The following SLC35A1 variants were observed in gnomAD, a reference collection of about 807,000 sequenced individuals.
SLC35A1 encodes CMP-sialic acid transporter.
SLC35A1 carries 21 observed loss-of-function variants against 40.3 expected under a neutral mutation model. That is an observed-to-expected ratio of 0.52 (90% CI 0.37 to 0.75). SLC35A1 has a LOEUF of 0.75. Ranked by LOEUF, SLC35A1 falls within the 30% of genes least tolerant of loss-of-function variation. The pLI is 0.00. For synonymous variants in SLC35A1, 146 were observed against 147.3 expected (o/e 0.99, Z 0.06); for missense variants, 297 against 382.1 (o/e 0.78, Z 1.86).
intron 1 of SLC35A1, among the ~76,000 whole-genome samples, chr6:87,473,264 C>T (rs924241855): frequency 1.1e-4 from 17 of 152,176 alleles, no homozygotes; most frequent in Admixed American, 1.0e-3. Flanking sequence ...ACCGCACTGA[C>T]CTCCACTAGC....
At chr6:87,490,569 T>A (rs1416693136) in intron 2 of SLC35A1, among the ~76,000 whole-genome samples, 1 of 151,944 alleles carries the variant, frequency 6.6e-6, no homozygotes, top group Non-Finnish European at 1.5e-5. Flanking sequence ...CCTGACCTCA[T>A]GATCCACCTG....
At position 87,508,121 on chromosome 6, in the gene SLC35A1, T is replaced by C. The variant is rs1052985648; in HGVS notation, c.575-299T>C. ...TGGCATTAAGTAGTACAGAGAGCTT[T>C]TGTGGTCTTACTGCTCTAATAAAGG... On this transcript the variant is annotated intron_variant, in intron 5 of 7. Transcript: ENST00000369552. Among the ~76,000 whole-genome samples, 10 of 152,124 alleles carry C rather than the reference T, an allele frequency of 6.6e-5. 1 individual carries two copies. The highest frequency in any genetic ancestry group is 3.3e-4 in the Admixed American group (5 of 15,270).
intron 7 of SLC35A1, among the ~76,000 whole-genome samples, chr6:87,510,819 C>T (rs979595788): frequency 1.3e-5 from 2 of 150,598 alleles, no homozygotes; most frequent in Non-Finnish European, 2.9e-5. Flanking sequence ...TGCGGTGAGC[C>T]GAGATTGCGC....
At chr6:87,483,469 G>A (rs976771134) in intron 2 of SLC35A1, among the ~76,000 whole-genome samples, 14 of 146,800 alleles carry the variant, frequency 9.5e-5, no homozygotes, top group African/African-American at 3.1e-4. Flanking sequence ...GAGGTTCAAT[G>A]TACCCCTATT....
chr6:87,509,571 T>A (rs532588379), intron 7 of SLC35A1, among the ~76,000 whole-genome samples: 9 of 152,342 alleles, frequency 5.9e-5, no homozygotes, highest in Non-Finnish European at 1.0e-4. Flanking sequence ...TATTGGCTCA[T>A]TATTTAGAAG....
chr6:87,481,351 A>G (rs1769236657), intron 2 of SLC35A1, among the ~76,000 whole-genome samples: 2 of 151,036 alleles, frequency 1.3e-5, no homozygotes, highest in South Asian at 4.2e-4. Context: ...TGGGAGGCGG[A>G]GGTTGTGGTG....
rs1438735328 is a variant in SLC35A1, at chr6:87,501,133, T to A, written c.355-25T>A. 9.6e-6 allele frequency: 15 copies of A among 1,555,506 alleles called. No homozygotes were observed. The South Asian group carries it at 1.6e-4, about 16-fold the overall frequency. ...ATCAGAGACTAACATTAACTGAATT[T>A]ATTAATTCATTCTCTTTTTTTTAGG... On this transcript the variant is annotated intron_variant, in intron 3 of 7. Coordinates refer to ENST00000369552, the MANE Select transcript of SLC35A1 (RefSeq NM_006416.5).
chr6:87,482,435 T>A (rs375069153), intron 2 of SLC35A1, among the ~76,000 whole-genome samples: 1 of 152,250 alleles, frequency 6.6e-6, no homozygotes, highest in African/African-American at 2.4e-5. Context: ...TTGCTATTAA[T>A]AAGACTTTCT....
At position 87,482,092 on chromosome 6, in the gene SLC35A1, C is replaced by T. The variant is rs559981525; in HGVS notation, c.194+4553C>T. Among the ~76,000 whole-genome samples, 7 of 152,218 alleles carry T rather than the reference C, an allele frequency of 4.6e-5. No homozygotes were observed. The South Asian group carries it at 1.4e-3, about 32-fold the overall frequency. On this transcript the variant is annotated intron_variant, in intron 2 of 7. Coordinates refer to ENST00000369552, the MANE Select transcript of SLC35A1 (RefSeq NM_006416.5). ...TATACAACATTTCTTGCATAAGTTC[C>T]CTTTTATAGCATTTTTCATGACTTT...
rs1770151497 is a variant in SLC35A1 at position 87,508,367 on chromosome 6, TTTAAG to T, written c.575-48_575-44del. The T allele has an allele frequency of 2.5e-6, 3 of 1,211,012 alleles. No individual in the cohort carries two copies. The South Asian group carries it at 3.8e-5, about 15-fold the overall frequency. 75.0% of individuals were successfully genotyped at this position (1,211,012 alleles called of 1,614,324 possible). The stretch of plus-strand genomic sequence containing the variant: ...GGGTATTGTTCTAAATGAAAGACAT[TTTAAG>T]TTAATTTATAGTAATCTTTAATATT... On this transcript the variant is annotated intron_variant, in intron 5 of 7. Coordinates refer to ENST00000369552, the MANE Select transcript of SLC35A1 (RefSeq NM_006416.5).
chr6:87,476,933 C>T (rs1054372316), intron 1 of SLC35A1, among the ~76,000 whole-genome samples: 4 of 151,790 alleles, frequency 2.6e-5, no homozygotes, highest in Admixed American at 6.6e-5. Context: ...GCACGAGAAT[C>T]GCTTGAACCT....
chr6:87,483,660 G>T (rs568332580), intron 2 of SLC35A1, among the ~76,000 whole-genome samples: 2 of 151,772 alleles, frequency 1.3e-5, no homozygotes, highest in East Asian at 1.9e-4. Flanking sequence ...GCCGTGGAAG[G>T]CTCAACCCCT....
Position 87,511,446 on chromosome 6 carries a change from C to A in SLC35A1, c.934C>A (p.Leu312Ile), listed in dbSNP as rs1480446356. The change falls in exon 8 of 8, where the codon CTC (leucine) becomes ATC (isoleucine). Residue 312 changes from leucine to isoleucine, a missense_variant. Transcript: ENST00000369552. The stretch of plus-strand genomic sequence containing the variant: ...TCTTCTTGTATGTGTTTCCATATAT[C>A]TCTATGGATTACCCAGACAAGACAC... ...GTLLVCVSIYLYGLPRQDTTS... is the reference protein window; with the variant it reads ...GTLLVCVSIYIYGLPRQDTTS... 1 of 1,611,188 alleles carries A rather than the reference C, an allele frequency of 6.2e-7. No individual in the cohort carries two copies.
intron 4 of SLC35A1, among the ~76,000 whole-genome samples, chr6:87,504,615 T>G (rs149846530): frequency 6.6e-6 from 1 of 152,356 alleles, no homozygotes; most frequent in East Asian, 1.9e-4. Flanking sequence ...ACATGTCTCT[T>G]AACTGTGCTG....
At chr6:87,503,839 C>G (rs958174945) in intron 4 of SLC35A1, among the ~76,000 whole-genome samples, 8 of 152,182 alleles carry the variant, frequency 5.3e-5, no homozygotes, top group Non-Finnish European at 1.5e-5. Context: ...ATGTTTCACA[C>G]TTGGTGAAGT....
chr6:87,494,422 A>T (rs553694134), intron 2 of SLC35A1, among the ~76,000 whole-genome samples: 286 of 132,848 alleles, frequency 2.2e-3, no homozygotes, highest in African/African-American at 7.9e-3. Context: ...AAATATTTGA[A>T]TTTTTTTTTT....
At position 87,511,901 on chromosome 6, in the gene SLC35A1, A is replaced by G. The variant is rs550672825; in HGVS notation, c.*375A>G. 6.8e-6 allele frequency: 2 copies of G among 295,470 alleles called. No individual in the cohort carries two copies. The highest frequency in any genetic ancestry group is 4.6e-5 in the Admixed American group (1 of 21,630). The allele number at this position is 295,470 out of a possible 1,614,324, so 18.3% of individuals were successfully genotyped here. Reference sequence around the variant, plus strand: ...AAAGTGCCAAAGCCATTTCTGTACTAACTGTTCTCTTGTTCCGGTACCGGG... The same window carrying G: ...AAAGTGCCAAAGCCATTTCTGTACTGACTGTTCTCTTGTTCCGGTACCGGG... On this transcript the variant is annotated 3_prime_UTR_variant, in exon 8 of 8. Coordinates refer to ENST00000369552, the MANE Select transcript of SLC35A1 (RefSeq NM_006416.5).
At chr6:87,510,555 A>G (rs1770230846) in intron 7 of SLC35A1, among the ~76,000 whole-genome samples, 1 of 152,078 alleles carries the variant, frequency 6.6e-6, no homozygotes, top group African/African-American at 2.4e-5. Flanking sequence ...ACAAGTTATG[A>G]TTTGGTTTCT....
chr6:87,510,866 C>T (rs1469386823), intron 7 of SLC35A1, among the ~76,000 whole-genome samples: 5 of 148,032 alleles, frequency 3.4e-5, no homozygotes, highest in Non-Finnish European at 5.9e-5. Context: ...AGCGAAACTC[C>T]GTCTCAAAAA....
Sources: gnomAD v4.1 joint callset for allele counts (sites outside exome capture counted in the v4.1 genomes callset) on GRCh38, gnomAD v4.1.1 for gene constraint, MANE v1.5 for transcripts, NCBI Gene and HGNC (gene_info 2026-07-23, HGNC 2026-07-21) for gene names.